Variants in UBE2G1 observed in about 807,000 individuals in gnomAD.
The protein encoded by UBE2G1 is ubiquitin-conjugating enzyme E2 G1.
A neutral mutation model predicts 22.7 loss-of-function variants in UBE2G1; 5 were observed. That is an observed-to-expected ratio of 0.22 (90% CI 0.12 to 0.46). The LOEUF is 0.46. UBE2G1 is among the 20% of genes least tolerant of loss of function. UBE2G1 has a pLI of 0.99. For synonymous variants in UBE2G1, 74 were observed against 67.5 expected (o/e 1.10, Z -0.47); for missense variants, 88 against 203.9 (o/e 0.43, Z 3.46).
chr17:4,350,160 A>T (rs1969828628), intron 1 of UBE2G1, among the ~76,000 whole-genome samples: 1 of 152,162 alleles, frequency 6.6e-6, no homozygotes, highest in Non-Finnish European at 1.5e-5. Context: ...GGCTAATGTA[A>T]CTAACTTAGA....
At chr17:4,311,302 C>T (rs1041584999) in intron 1 of UBE2G1, among the ~76,000 whole-genome samples, 3 of 151,918 alleles carry the variant, frequency 2.0e-5, no homozygotes, top group African/African-American at 7.3e-5. Context: ...ACCATATGAC[C>T]CAGCAATTCC....
At chr17:4,344,311 C>T (rs1037320678) in intron 1 of UBE2G1, among the ~76,000 whole-genome samples, 2 of 152,108 alleles carry the variant, frequency 1.3e-5, no homozygotes, top group African/African-American at 4.8e-5. Context: ...GAGGCCGAGG[C>T]AGGCGGATCA....
intron 2 of UBE2G1, among the ~76,000 whole-genome samples, chr17:4,303,728 T>C (rs993657437): frequency 5.3e-5 from 8 of 152,256 alleles, no homozygotes; most frequent in Non-Finnish European, 1.0e-4. Context: ...AATTTATAAC[T>C]GGAATAGAAT....
chr17:4,284,893 G>A (rs1353787165), intron 4 of UBE2G1, among the ~76,000 whole-genome samples: 3 of 130,770 alleles, frequency 2.3e-5, no homozygotes, highest in African/African-American at 6.0e-5. Flanking sequence ...TGCCTGGGCT[G>A]AAGTGCAGTG....
intron 4 of UBE2G1, among the ~76,000 whole-genome samples, chr17:4,284,580 G>A (rs951825008): frequency 1.3e-5 from 2 of 151,292 alleles, no homozygotes; most frequent in Non-Finnish European, 1.5e-5. Context: ...CAGCCTGGGC[G>A]ACAGAGCGAG....
At chr17:4,334,502 T>C (rs1969621884) in intron 1 of UBE2G1, among the ~76,000 whole-genome samples, 1 of 152,184 alleles carries the variant, frequency 6.6e-6, no homozygotes, top group Non-Finnish European at 1.5e-5. Context: ...CACTTGTAAC[T>C]GGTTTTAACC....
intron 5 of UBE2G1, among the ~76,000 whole-genome samples, chr17:4,281,907 G>A (rs937126153): frequency 6.6e-6 from 1 of 152,104 alleles, no homozygotes; most frequent in African/African-American, 2.4e-5. Context: ...ACCCACATGT[G>A]AGCAATTAAT....
chr17:4,284,829 C>CTTTT (rs1265116390), intron 4 of UBE2G1, among the ~76,000 whole-genome samples: 1 of 68,048 alleles, frequency 1.5e-5, no homozygotes, highest in Non-Finnish European at 3.2e-5. Flanking sequence ...CTTTTCTTTT[C>CTTTT]TTTTCTTTCT....
At position 4,270,499 on chromosome 17, in the gene UBE2G1, T is replaced by C. The variant is rs1365457705; in HGVS notation, c.*2055A>G. 6.7e-6 allele frequency: 1 copy of C among 149,656 alleles called. No individual in the cohort carries two copies. The highest frequency in any genetic ancestry group is 1.5e-5 in the Non-Finnish European group (1 of 67,956). The allele number at this position is 149,656 out of a possible 1,614,324, so 9.3% of individuals were successfully genotyped here. ...AGGAGGTCAAAGCTGCAGTTAGCTA[T>C]GATCGTTGCCACTGCACTCCAGCCT... On this transcript the variant is annotated 3_prime_UTR_variant, in exon 6 of 6. Coordinates refer to ENST00000396981, the MANE Select transcript of UBE2G1 (RefSeq NM_003342.5).
chr17:4,323,220 T>C (rs989730898), intron 1 of UBE2G1, among the ~76,000 whole-genome samples: 4 of 152,214 alleles, frequency 2.6e-5, no homozygotes, highest in African/African-American at 9.7e-5. Flanking sequence ...CAGGCTAACA[T>C]TGCTTTTATA....
chr17:4,325,926 G>A (rs900606892), intron 1 of UBE2G1, among the ~76,000 whole-genome samples: 10 of 152,116 alleles, frequency 6.6e-5, no homozygotes, highest in Non-Finnish European at 1.0e-4. Flanking sequence ...GCAAAAGAAT[G>A]AAGGTGGATT....
chr17:4,364,401 T>C (rs1459935873), intron 1 of UBE2G1: 4 of 122,248 alleles, frequency 3.3e-5, no homozygotes, highest in African/African-American at 1.3e-4. Flanking sequence ...GCCATTCTCC[T>C]GCCTCAGCCT....
chr17:4,362,518 C>A (rs955015989), intron 1 of UBE2G1, among the ~76,000 whole-genome samples: 2 of 152,142 alleles, frequency 1.3e-5, no homozygotes, highest in African/African-American at 2.4e-5. Flanking sequence ...AGCGCCAAGA[C>A]TGAGACACTC....
chr17:4,277,667 A>G (rs1206869481), intron 5 of UBE2G1, among the ~76,000 whole-genome samples: 2 of 152,252 alleles, frequency 1.3e-5, no homozygotes, highest in Non-Finnish European at 2.9e-5. Context: ...ATGTAGATAA[A>G]TATGTATTTT....
At chr17:4,279,810 TATATATATATATATATATATATG>T (rs1968864731) in intron 5 of UBE2G1, among the ~76,000 whole-genome samples, 1 of 27,078 alleles carries the variant, frequency 3.7e-5, no homozygotes, top group African/African-American at 6.2e-5. Context: ...TATATATATA[TATATATATATATATATATATATG>T]AACCTCAGTT....
intron 1 of UBE2G1, among the ~76,000 whole-genome samples, chr17:4,316,938 TAA>T (rs33950725): frequency 0.55 from 73,520 of 134,140 alleles, 22,047 homozygotes; most frequent in East Asian, 0.77. Flanking sequence ...GTCTCTTGAA[TAA>T]AAAAAAAAAA....
At chr17:4,365,356 T>C (rs1174257439) in intron 1 of UBE2G1, among the ~76,000 whole-genome samples, 2 of 152,278 alleles carry the variant, frequency 1.3e-5, no homozygotes, top group Admixed American at 1.3e-4. Flanking sequence ...CCACTGCGCA[T>C]GCTCCGCGCA....
intron 5 of UBE2G1, among the ~76,000 whole-genome samples, chr17:4,279,275 CA>C (rs10593474): frequency 0.55 from 72,334 of 131,384 alleles, 20,996 homozygotes; most frequent in East Asian, 0.78. Context: ...AACTCCATCT[CA>C]AAAAAAAAAA....
intron 5 of UBE2G1, among the ~76,000 whole-genome samples, chr17:4,272,798 G>A (rs907442016): frequency 5.9e-5 from 9 of 152,142 alleles, no homozygotes; most frequent in Non-Finnish European, 1.0e-4. Flanking sequence ...CTGGCAAGCT[G>A]AACAGCACAG....
Sources: allele counts gnomAD v4.1 joint callset (sites outside exome capture counted in the v4.1 genomes callset), GRCh38; gene constraint gnomAD v4.1.1; transcripts MANE v1.5; gene names NCBI Gene and HGNC (gene_info 2026-07-23, HGNC 2026-07-21).